The following SV2C variants were observed in gnomAD, a reference collection of about 807,000 sequenced individuals.
SV2C encodes solute carrier family 22 member B3.
SV2C carries 49 observed loss-of-function variants against 79.7 expected under a neutral mutation model. That is an observed-to-expected ratio of 0.61 (90% CI 0.49 to 0.78). SV2C has a LOEUF of 0.78. SV2C is among the 30% of genes least tolerant of loss of function. The probability of loss-of-function intolerance (pLI) is 0.00; values close to 1 mark genes in which losing one functional copy is unlikely to be tolerated. For synonymous variants in SV2C, 334 were observed against 333.2 expected (o/e 1.00, Z -0.03); for missense variants, 833 against 912.9 (o/e 0.91, Z 1.13).
At chr5:76,188,365 G>T (rs146314979) in intron 2 of SV2C, among the ~76,000 whole-genome samples, 1 of 152,270 alleles carries the variant, frequency 6.6e-6, no homozygotes, top group African/African-American at 2.4e-5. Flanking sequence ...AGTAGGTACT[G>T]TTATTAGCCC....
chr5:76,190,196 T>G (rs1744052524), intron 2 of SV2C, among the ~76,000 whole-genome samples: 1 of 152,204 alleles, frequency 6.6e-6, no homozygotes, highest in Non-Finnish European at 1.5e-5. Flanking sequence ...TAATGCTTGT[T>G]AAAGCATAGT....
At chr5:76,042,034 C>T in the SV2C span, among the ~76,000 whole-genome samples, 1 of 152,214 alleles carries the variant, frequency 6.6e-6, no homozygotes, top group Non-Finnish European at 1.5e-5. Context: ...CTCCATCCCA[C>T]CTGTGTAGCC....
intron 3 of SV2C, among the ~76,000 whole-genome samples, chr5:76,203,901 C>G (rs756436633): frequency 6.6e-6 from 1 of 152,196 alleles, no homozygotes; most frequent in Non-Finnish European, 1.5e-5. Context: ...AAAGGAAATT[C>G]TTGTTCTTGA....
the SV2C span, among the ~76,000 whole-genome samples, chr5:76,057,936 T>G: frequency 3.3e-5 from 5 of 152,198 alleles, no homozygotes. Flanking sequence ...CTTTTTCCTG[T>G]ATCCTTTATT....
chr5:75,956,110 G>A, the SV2C span, among the ~76,000 whole-genome samples: 408 of 141,500 alleles, frequency 2.9e-3, no homozygotes, highest in Middle Eastern at 3.6e-3. Context: ...TGTTTATTGC[G>A]GCATTATTCA....
At chr5:76,166,915 G>A (rs1743062824) in intron 2 of SV2C, among the ~76,000 whole-genome samples, 1 of 152,148 alleles carries the variant, frequency 6.6e-6, no homozygotes, top group East Asian at 1.9e-4. Context: ...TTGGGTATGG[G>A]GTTTTATGAC....
chr5:76,305,894 A>G (rs1312695484), intron 12 of SV2C, among the ~76,000 whole-genome samples: 1 of 152,222 alleles, frequency 6.6e-6, no homozygotes, highest in Non-Finnish European at 1.5e-5. Flanking sequence ...AGGGACACAA[A>G]AAGAGGTGGG....
the SV2C span, among the ~76,000 whole-genome samples, chr5:76,040,062 TATA>T: frequency 6.6e-6 from 1 of 152,224 alleles, no homozygotes; most frequent in Non-Finnish European, 1.5e-5. Flanking sequence ...TGTATTAATT[TATA>T]ATAAGTTATA....
intron 1 of SV2C, among the ~76,000 whole-genome samples, chr5:76,104,674 A>C (rs1398779476): frequency 6.6e-6 from 1 of 152,176 alleles, no homozygotes; most frequent in Non-Finnish European, 1.5e-5. Context: ...ACCTTTCTAC[A>C]TTCTGTTTGC....
chr5:76,243,016 A>AAAAAAAAAAAAAAAAAAAAAAAAAC (rs1359274246), intron 4 of SV2C, among the ~76,000 whole-genome samples: 1 of 107,074 alleles, frequency 9.3e-6, no homozygotes, highest in African/African-American at 7.4e-5. Flanking sequence ...CCCATCTAAA[A>AAAAAAAAAAAAAAAAAAAAAAAAAC]AAAAAAAAAA....
the SV2C span, among the ~76,000 whole-genome samples, chr5:75,864,347 TC>T: frequency 6.6e-6 from 1 of 151,814 alleles, no homozygotes; most frequent in African/African-American, 2.4e-5. Flanking sequence ...CATCCATCCA[TC>T]CATCCATTCA....
chr5:76,012,389 T>C, the SV2C span, among the ~76,000 whole-genome samples: 1 of 152,364 alleles, frequency 6.6e-6, no homozygotes, highest in Admixed American at 6.5e-5. Context: ...ATATGTTTGT[T>C]GGCCACACAA....
intron 4 of SV2C, 128 bp downstream of exon 4, chr5:76,210,015 T>C (rs769536071): frequency 1.5e-5 from 17 of 1,169,106 alleles, no homozygotes; most frequent in Non-Finnish European, 1.5e-5. Flanking sequence ...CTCCCTTTCA[T>C]AGTGTCCAGG....
At chr5:76,034,928 C>T in the SV2C span, among the ~76,000 whole-genome samples, 3 of 152,144 alleles carry the variant, frequency 2.0e-5, no homozygotes, top group African/African-American at 7.2e-5. Flanking sequence ...ACTTTCAGCT[C>T]CTGTTATTGG....
the SV2C span, among the ~76,000 whole-genome samples, chr5:75,962,991 T>G: frequency 6.6e-6 from 1 of 151,576 alleles, no homozygotes; most frequent in African/African-American, 2.4e-5. Flanking sequence ...CTCAGGGAAA[T>G]GGAAAACAAC....
intron 10 of SV2C, among the ~76,000 whole-genome samples, chr5:76,300,156 A>AATTATTATTATTATT (rs142593511): frequency 0.022 from 3,044 of 139,634 alleles, 44 homozygotes; most frequent in African/African-American, 0.042. Flanking sequence ...TCAAATAAAA[A>AATTATTATTATTATT]ATTATTATTA....
At chr5:76,273,557 G>A (rs113409827) in intron 4 of SV2C, among the ~76,000 whole-genome samples, 1 of 152,162 alleles carries the variant, frequency 6.6e-6, no homozygotes, top group Non-Finnish European at 1.5e-5. Context: ...TTCTTCGAAA[G>A]CACGGTTAGG....
chr5:76,100,122 G>A lies in SV2C; in HGVS notation c.-102+16610G>A, dbSNP rs576359825. ...TATTAGGATAATAGGAAAAGGAGGA[G>A]CTTTAGAGAAATCATGACCTTTTTT... is the stretch of plus-strand genomic sequence containing the variant. On this transcript the variant is annotated intron_variant, in intron 1 of 12. Coordinates refer to ENST00000502798, the MANE Select transcript of SV2C (RefSeq NM_014979.4). Among the ~76,000 whole-genome samples, 4 of 152,284 alleles carry A rather than the reference G, an allele frequency of 2.6e-5. No individual in the cohort carries two copies. The East Asian group carries it at 7.7e-4, about 29-fold the overall frequency.
At chr5:75,921,119 G>C in the SV2C span, 49 of 831,920 alleles carry the variant, frequency 5.9e-5, no homozygotes, top group East Asian at 1.2e-3. Flanking sequence ...CACGGAGTTG[G>C]CCTTGCTGTT....
Sources: allele counts gnomAD v4.1 joint callset (sites outside exome capture counted in the v4.1 genomes callset), GRCh38; gene constraint gnomAD v4.1.1; transcripts MANE v1.5; gene names NCBI Gene and HGNC (gene_info 2026-07-23, HGNC 2026-07-21).